The following DGKB variants were observed in gnomAD, a reference collection of about 807,000 sequenced individuals.
The protein encoded by DGKB is 90 kDa diacylglycerol kinase.
DGKB carries 67 observed loss-of-function variants against 114.3 expected under a neutral mutation model. The observed-to-expected ratio is 0.59, with a 90% CI of 0.48 to 0.72. The LOEUF (loss-of-function observed/expected upper bound fraction) is 0.72. Ranked by LOEUF, DGKB falls within the 30% of genes least tolerant of loss-of-function variation. DGKB has a pLI of 0.00. For synonymous variants in DGKB, 398 were observed against 323.1 expected (o/e 1.23, Z -2.49); for missense variants, 907 against 975.2 (o/e 0.93, Z 0.93).
chr7:14,511,023 C>A (rs1404904553), intron 20 of DGKB, among the ~76,000 whole-genome samples: 3 of 152,124 alleles, frequency 2.0e-5, no homozygotes, highest in Non-Finnish European at 2.9e-5. Context: ...ATTTATATTG[C>A]ACAGTTAGAG....
At chr7:14,785,394 A>G (rs1839736069) in intron 2 of DGKB, among the ~76,000 whole-genome samples, 1 of 152,260 alleles carries the variant, frequency 6.6e-6, no homozygotes, top group East Asian at 1.9e-4. Context: ...GGCTCTTAAT[A>G]TCTATTCACT....
chr7:14,862,810 C>T (rs1445210085), intron 1 of DGKB, among the ~76,000 whole-genome samples: 2 of 152,072 alleles, frequency 1.3e-5, no homozygotes, highest in Admixed American at 6.5e-5. Context: ...AACTTTACAA[C>T]TTCATTCAAC....
intron 2 of DGKB, among the ~76,000 whole-genome samples, chr7:14,825,850 C>A (rs2128110927): frequency 6.6e-6 from 1 of 152,266 alleles, no homozygotes; most frequent in Non-Finnish European, 1.5e-5. Context: ...TACAAGTGAG[C>A]TCTTACCTCT....
intron 20 of DGKB, among the ~76,000 whole-genome samples, chr7:14,573,492 T>A (rs1419076475): frequency 2.0e-5 from 3 of 151,826 alleles, no homozygotes; most frequent in Non-Finnish European, 2.9e-5. Flanking sequence ...TGTGTGTGTG[T>A]GTGTGTGTGT....
intron 21 of DGKB, among the ~76,000 whole-genome samples, chr7:14,393,029 C>T (rs1198375964): frequency 3.0e-4 from 3 of 9,946 alleles, no homozygotes; most frequent in Non-Finnish European, 1.6e-3. Context: ...CTCGCTATCG[C>T]CCAGGCTGGA....
At position 14,340,587 on chromosome 7, in the gene DGKB, G is replaced by A. The variant is rs899221512; in HGVS notation, c.1927-1877C>T. Among the ~76,000 whole-genome samples, 3 of 151,374 alleles carry A rather than the reference G, an allele frequency of 2.0e-5. No homozygotes were observed. The Admixed American group carries it at 2.0e-4, about 10-fold the overall frequency. ...AAATAATTTGATCTTTGACAAGGATGAAATGTCAAGCAGAAGGGGGTCCTC... is the reference window on the plus strand; with the variant it reads ...AAATAATTTGATCTTTGACAAGGATAAAATGTCAAGCAGAAGGGGGTCCTC... On this transcript the variant is annotated intron_variant, in intron 22 of 25. Coordinates refer to ENST00000402815, the MANE Select transcript of DGKB (RefSeq NM_001350709.2).
intron 25 of DGKB, among the ~76,000 whole-genome samples, chr7:14,174,919 G>C (rs551475097): frequency 6.6e-6 from 1 of 152,282 alleles, no homozygotes; most frequent in East Asian, 1.9e-4. Context: ...ACTGGTGAAG[G>C]GAGGAAAAAG....
intron 1 of DGKB, among the ~76,000 whole-genome samples, chr7:14,955,814 G>C (rs751388912): frequency 5.9e-5 from 9 of 151,992 alleles, no homozygotes; most frequent in Non-Finnish European, 1.2e-4. Context: ...AAGTATATAG[G>C]TAATCACCAT....
intron 25 of DGKB, among the ~76,000 whole-genome samples, chr7:14,162,260 G>GCAAT (rs1466403716): frequency 6.6e-6 from 1 of 152,158 alleles, no homozygotes; most frequent in Non-Finnish European, 1.5e-5. Flanking sequence ...ACTGCTAAAA[G>GCAAT]CAATCAAACC....
intron 23 of DGKB, among the ~76,000 whole-genome samples, chr7:14,215,755 T>G (rs895454815): frequency 6.6e-6 from 1 of 152,120 alleles, no homozygotes. Context: ...TAACAGTAAC[T>G]AGAAGTGTAA....
chr7:14,212,996 T>G (rs1788377325), intron 23 of DGKB, among the ~76,000 whole-genome samples: 1 of 152,110 alleles, frequency 6.6e-6, no homozygotes, highest in Non-Finnish European at 1.5e-5. Flanking sequence ...CATCTTTCTT[T>G]ACACAGAGGT....
At chr7:14,199,438 G>C (rs1220931511) in intron 23 of DGKB, among the ~76,000 whole-genome samples, 1 of 151,952 alleles carries the variant, frequency 6.6e-6, no homozygotes, top group African/African-American at 2.4e-5. Context: ...GGACACCTCC[G>C]GAAAGGGCAA....
chr7:14,704,232 G>A (rs1387445904), intron 6 of DGKB, among the ~76,000 whole-genome samples: 2 of 148,552 alleles, frequency 1.3e-5, no homozygotes, highest in African/African-American at 5.0e-5. Context: ...TCAGGAGATC[G>A]AGACCATCCT....
At chr7:14,449,856 G>T (rs535057357) in intron 21 of DGKB, among the ~76,000 whole-genome samples, 1 of 151,968 alleles carries the variant, frequency 6.6e-6, no homozygotes, top group African/African-American at 2.4e-5. Context: ...AGCCAACCCA[G>T]TTAGGTATTC....
At chr7:14,703,349 C>T (rs1825553909) in intron 6 of DGKB, among the ~76,000 whole-genome samples, 1 of 152,082 alleles carries the variant, frequency 6.6e-6, no homozygotes, top group South Asian at 2.1e-4. Flanking sequence ...GATTTGTTGA[C>T]CTTAATGGGA....
chr7:14,963,065 C>T (rs758552935), intron 1 of DGKB, among the ~76,000 whole-genome samples: 1 of 152,088 alleles, frequency 6.6e-6, no homozygotes, highest in Non-Finnish European at 1.5e-5. Context: ...AAGCTAGAAA[C>T]ATTGACCAGA....
Position 14,690,692 on chromosome 7 carries a change from C to T in DGKB, c.711+3383G>A, listed in dbSNP as rs538082992. ...GCAGTTAAGGCGGAGACCTTATGGC[C>T]CCATAGCCAAAATTACTTAATATCT... On this transcript the variant is annotated intron_variant, in intron 9 of 25. Transcript: ENST00000402815. 2.0e-5 allele frequency among the ~76,000 whole-genome samples: 3 copies of T among 152,294 alleles called. No homozygotes were observed. The East Asian group carries it at 5.8e-4, about 29-fold the overall frequency.
chr7:14,951,371 T>C (rs1277967515), intron 1 of DGKB, among the ~76,000 whole-genome samples: 3 of 151,890 alleles, frequency 2.0e-5, no homozygotes, highest in African/African-American at 7.3e-5. Context: ...TGGAAGAACA[T>C]TAAATGTAAG....
intron 2 of DGKB, among the ~76,000 whole-genome samples, chr7:14,779,514 C>A (rs574079382): frequency 9.3e-5 from 14 of 150,972 alleles, no homozygotes; most frequent in Admixed American, 8.6e-4. Context: ...CTAGCCTGGG[C>A]AACAGAAAAA....
Sources: allele counts gnomAD v4.1 joint callset (sites outside exome capture counted in the v4.1 genomes callset), GRCh38; gene constraint gnomAD v4.1.1; transcripts MANE v1.5; gene names NCBI Gene and HGNC (gene_info 2026-07-23, HGNC 2026-07-21).